The following NELL1 variants were observed in gnomAD, a reference collection of about 807,000 sequenced individuals.
The protein encoded by NELL1 is neural EGFL like 1.
In NELL1, 76 loss-of-function variants were observed where a neutral mutation model predicts 107.4. That is an observed-to-expected ratio of 0.71 (90% CI 0.59 to 0.86). NELL1 has a LOEUF of 0.86. Among genes scored for constraint, NELL1 ranks in the 40% least tolerant of loss-of-function variants. The pLI is 0.00. For synonymous variants in NELL1, 353 were observed against 341.2 expected (o/e 1.03, Z -0.38); for missense variants, 1,024 against 1,005.5 (o/e 1.02, Z -0.25).
intron 15 of NELL1, among the ~76,000 whole-genome samples, chr11:21,487,632 T>TACAA (rs55869920): frequency 0.88 from 134,018 of 151,740 alleles, 59,229 homozygotes; most frequent in East Asian, 0.98. Context: ...ACAAAGAACA[T>TACAA]ACAACCAGAA....
Position 20,847,570 on chromosome 11 carries a change from C to T in NELL1, c.336-13C>T. 6.2e-7 allele frequency: 1 copy of T among 1,608,240 alleles called. No homozygotes were observed. Among genetic ancestry groups the T allele is most frequent in the Non-Finnish European group, 8.5e-7 (1 of 1,176,700 alleles). On this transcript the variant is annotated splice_polypyrimidine_tract_variant and intron_variant, in intron 3 of 19. Transcript: ENST00000357134. ...AACTAAAATAAAACAAATGTTTGTT[C>T]CTTTACATACAGCTATTTTGAACTG... is the stretch of plus-strand genomic sequence containing the variant.
chr11:21,337,540 C>G (rs1052480188), intron 14 of NELL1, among the ~76,000 whole-genome samples: 1 of 152,246 alleles, frequency 6.6e-6, no homozygotes, highest in African/African-American at 2.4e-5. Context: ...TACATGGCCC[C>G]TGTCACTTCT....
chr11:20,772,044 G>A (rs1856650735), intron 2 of NELL1, among the ~76,000 whole-genome samples: 1 of 152,160 alleles, frequency 6.6e-6, no homozygotes, highest in South Asian at 2.1e-4. Flanking sequence ...TGAACATGAT[G>A]CCCTACTGTT....
Position 20,786,350 on chromosome 11 carries a change from C to CAAAA in NELL1, c.335+2528_335+2531dup, listed in dbSNP as rs112874692. Among the ~76,000 whole-genome samples the CAAAA allele has an allele frequency of 5.9e-3, 734 of 125,358 alleles. 6 individuals are homozygous for CAAAA. Among genetic ancestry groups the CAAAA allele is most frequent in the African/African-American group, 0.018 (616 of 34,914 alleles). The allele number at this position is 125,358 out of a possible 152,430, so 82.2% of individuals were successfully genotyped here. Reference sequence around the variant, plus strand: ...GGGCAACAAGAGCAAAACCCCATCTCAAAAAAAAAAAGAAAAAAAAAGGCG... The same window carrying CAAAA: ...GGGCAACAAGAGCAAAACCCCATCTCAAAAAAAAAAAAAAAGAAAAAAAAAGGCG... On this transcript the variant is annotated intron_variant, in intron 3 of 19. Transcript: ENST00000357134.
rs543025670 is a variant in NELL1, at chr11:21,398,068, A to G, written c.1645+27120A>G. Among the ~76,000 whole-genome samples, 79 of 151,362 alleles carry G rather than the reference A, an allele frequency of 5.2e-4. 1 individual carries two copies. The highest frequency in any genetic ancestry group is 9.6e-4 in the Non-Finnish European group (65 of 67,740). ...ATATTTATATATTATATAAATTTAA[A>G]ATATGTATTTGCAATTACCAAGAAT... On this transcript the variant is annotated intron_variant, in intron 15 of 19. Transcript: ENST00000357134.
At position 21,212,826 on chromosome 11, in the gene NELL1, A is replaced by G. The variant is rs907631617; in HGVS notation, c.1427-16506A>G. Among the ~76,000 whole-genome samples the G allele has an allele frequency of 3.3e-5, 5 of 152,094 alleles. No individual in the cohort carries two copies. In the East Asian group the frequency reaches 7.7e-4, roughly 23 times the overall value. On this transcript the variant is annotated intron_variant, in intron 13 of 19. Transcript: ENST00000357134. ...CAAAGCAGTGATGTCTGCACTTACC[A>G]CTCTTGGGCAACATAGCACTGGAAG...
chr11:20,736,800 A>G (rs188910372), intron 2 of NELL1, among the ~76,000 whole-genome samples: 2 of 148,062 alleles, frequency 1.4e-5, no homozygotes, highest in Admixed American at 6.8e-5. Flanking sequence ...TGTCACCCAG[A>G]CTGGAGTGCA....
At chr11:20,922,475 A>G (rs949523135) in intron 7 of NELL1, among the ~76,000 whole-genome samples, 1 of 152,032 alleles carries the variant, frequency 6.6e-6, no homozygotes, top group African/African-American at 2.4e-5. Flanking sequence ...CTTTTTTGGC[A>G]GGTGGAAGGA....
At chr11:20,695,332 T>A (rs1854586482) in intron 2 of NELL1, among the ~76,000 whole-genome samples, 1 of 152,124 alleles carries the variant, frequency 6.6e-6, no homozygotes, top group Admixed American at 6.6e-5. Flanking sequence ...AGTACTGTGT[T>A]GAATAGGAGT....
intron 15 of NELL1, among the ~76,000 whole-genome samples, chr11:21,454,730 A>C (rs1207086291): frequency 6.6e-6 from 1 of 152,160 alleles, no homozygotes; most frequent in Non-Finnish European, 1.5e-5. Context: ...CCCATTCCTC[A>C]GCTGCAGCGG....
intron 3 of NELL1, among the ~76,000 whole-genome samples, chr11:20,786,560 C>T (rs1286117115): frequency 1.3e-5 from 2 of 151,796 alleles, no homozygotes; most frequent in Non-Finnish European, 2.9e-5. Context: ...AGTTACATGC[C>T]ACCAAAATAT....
chr11:20,729,628 T>G (rs571754801), intron 2 of NELL1, among the ~76,000 whole-genome samples: 3 of 152,182 alleles, frequency 2.0e-5, no homozygotes, highest in Non-Finnish European at 4.4e-5. Flanking sequence ...GTTGATAGAT[T>G]GCTAGTTTAA....
chr11:21,450,943 C>A (rs1427950178), intron 15 of NELL1, among the ~76,000 whole-genome samples: 4 of 151,860 alleles, frequency 2.6e-5, no homozygotes, highest in African/African-American at 9.7e-5. Flanking sequence ...GTAATCCCAG[C>A]ACTTTGGGAG....
At chr11:21,460,358 A>C (rs912314162) in intron 15 of NELL1, among the ~76,000 whole-genome samples, 2 of 152,242 alleles carry the variant, frequency 1.3e-5, no homozygotes, top group Admixed American at 1.3e-4. Flanking sequence ...AAGCAGTCTG[A>C]GAACCCTAGC....
At chr11:21,184,178 A>G (rs1222400615) in intron 13 of NELL1, among the ~76,000 whole-genome samples, 2 of 151,812 alleles carry the variant, frequency 1.3e-5, no homozygotes, top group Non-Finnish European at 2.9e-5. Flanking sequence ...ATTGGTTATA[A>G]TCAATATCCC....
At chr11:20,855,759 A>G (rs1848871161) in intron 4 of NELL1, among the ~76,000 whole-genome samples, 1 of 152,324 alleles carries the variant, frequency 6.6e-6, no homozygotes, top group Non-Finnish European at 1.5e-5. Context: ...CTCTGTTTGA[A>G]AAAAACATAT....
intron 17 of NELL1, 130 bp downstream of exon 17, chr11:21,560,512 A>G: frequency 1.3e-6 from 1 of 749,500 alleles, no homozygotes; most frequent in Non-Finnish European, 2.1e-6. Flanking sequence ...GTTCTTATCT[A>G]CATTACAGCT....
At chr11:21,259,806 A>G (rs559868496) in intron 14 of NELL1, among the ~76,000 whole-genome samples, 16 of 152,040 alleles carry the variant, frequency 1.1e-4, no homozygotes, top group African/African-American at 3.9e-4. Context: ...TTGGGAACCC[A>G]GTCTTTATGA....
intron 15 of NELL1, among the ~76,000 whole-genome samples, chr11:21,444,621 A>G (rs190063914): frequency 1.2e-4 from 18 of 152,282 alleles, no homozygotes; most frequent in Admixed American, 3.3e-4. Context: ...GTAGGGATAT[A>G]TACTTACGGG....
Sources: allele counts gnomAD v4.1 joint callset (sites outside exome capture counted in the v4.1 genomes callset), GRCh38; gene constraint gnomAD v4.1.1; transcripts MANE v1.5; gene names NCBI Gene and HGNC (gene_info 2026-07-23, HGNC 2026-07-21).